Variants in LRRC4C observed in about 807,000 individuals in gnomAD.
The protein encoded by LRRC4C is leucine rich repeat containing 4C.
A neutral mutation model predicts 33.6 loss-of-function variants in LRRC4C; 5 were observed. That is an observed-to-expected ratio of 0.15 (90% CI 0.08 to 0.31). The LOEUF (loss-of-function observed/expected upper bound fraction) is 0.31, where lower values mean the gene tolerates loss of function less well. Among genes scored for constraint, LRRC4C ranks in the 10% least tolerant of loss-of-function variants. The probability of loss-of-function intolerance (pLI) is 1.00; values close to 1 mark genes in which losing one functional copy is unlikely to be tolerated. For synonymous variants in LRRC4C, 329 were observed against 302.0 expected (o/e 1.09, Z -0.93); for missense variants, 560 against 796.7 (o/e 0.70, Z 3.58).
intron 1 of LRRC4C, among the ~76,000 whole-genome samples, chr11:41,025,262 A>T (rs931508067): frequency 3.3e-5 from 5 of 151,814 alleles, no homozygotes; most frequent in African/African-American, 1.2e-4. Context: ...GAAAGCCAAG[A>T]TAGATATGTT....
chr11:40,388,269 C>G (rs1271839505), intron 3 of LRRC4C, among the ~76,000 whole-genome samples: 2 of 152,102 alleles, frequency 1.3e-5, no homozygotes, highest in African/African-American at 4.8e-5. Context: ...TTCCTTGAGA[C>G]CTGTCAAAAT....
intron 2 of LRRC4C, among the ~76,000 whole-genome samples, chr11:40,838,297 G>A (rs955096638): frequency 1.3e-5 from 2 of 152,142 alleles, no homozygotes; most frequent in Non-Finnish European, 2.9e-5. Flanking sequence ...AACAACTGTT[G>A]AAAATTTACT....
At chr11:41,369,480 A>G (rs1952664058) in intron 1 of LRRC4C, among the ~76,000 whole-genome samples, 1 of 152,014 alleles carries the variant, frequency 6.6e-6, no homozygotes. Context: ...CTGTACAACA[A>G]ACCCCTATAA....
At chr11:41,137,233 C>T (rs184717238) in intron 1 of LRRC4C, among the ~76,000 whole-genome samples, 24 of 151,826 alleles carry the variant, frequency 1.6e-4, no homozygotes, top group African/African-American at 5.8e-4. Context: ...CAGTGCAAGA[C>T]TCAGTCTCCA....
intron 2 of LRRC4C, among the ~76,000 whole-genome samples, chr11:40,828,792 T>A (rs1952279068): frequency 6.6e-6 from 1 of 151,898 alleles, no homozygotes; most frequent in Non-Finnish European, 1.5e-5. Context: ...AAACTCTGCA[T>A]CTGAAATGTT....
chr11:40,557,913 C>T lies in LRRC4C; in HGVS notation c.-270+90229G>A, dbSNP rs975758302. 3.9e-5 allele frequency among the ~76,000 whole-genome samples: 6 copies of T among 152,086 alleles called. No individual in the cohort carries two copies. The East Asian group carries it at 7.7e-4, about 20-fold the overall frequency. On this transcript the variant is annotated intron_variant, in intron 3 of 6. Transcript: ENST00000528697. ...GGCATTATTGAGGAGATTAATGAGCCGGGAGACCTGGTGAGTTAAATTAAT... is the reference window on the plus strand; with the variant it reads ...GGCATTATTGAGGAGATTAATGAGCTGGGAGACCTGGTGAGTTAAATTAAT...
intron 2 of LRRC4C, among the ~76,000 whole-genome samples, chr11:40,926,322 G>T (rs1012047178): frequency 1.3e-5 from 2 of 151,992 alleles, no homozygotes; most frequent in African/African-American, 2.4e-5. Flanking sequence ...ACATGATGCA[G>T]CTAAGGACAA....
intron 3 of LRRC4C, among the ~76,000 whole-genome samples, chr11:40,504,388 C>G (rs1954930240): frequency 6.6e-6 from 1 of 152,020 alleles, no homozygotes; most frequent in African/African-American, 2.4e-5. Flanking sequence ...TTCTGATGGA[C>G]AGACGGTCAT....
At position 40,941,950 on chromosome 11, in the gene LRRC4C, C is replaced by T. The variant is rs950104055; in HGVS notation, c.-495-8227G>A. Among the ~76,000 whole-genome samples the T allele has an allele frequency of 2.0e-5, 3 of 152,036 alleles. No homozygotes were observed. The East Asian group carries it at 5.8e-4, about 29-fold the overall frequency. On this transcript the variant is annotated intron_variant, in intron 1 of 6. Coordinates refer to ENST00000528697, the MANE Select transcript of LRRC4C (RefSeq NM_001258419.2). ...GTTCAAGTCCATCAAGAAGCAGGCA[C>T]TGAGACAGGGTTAGACACACAATAA...
At chr11:41,150,209 T>C (rs1327393512) in intron 1 of LRRC4C, among the ~76,000 whole-genome samples, 2 of 152,178 alleles carry the variant, frequency 1.3e-5, no homozygotes, top group Non-Finnish European at 2.9e-5. Context: ...TCTCTTCCAT[T>C]CTATTCCATT....
intron 1 of LRRC4C, among the ~76,000 whole-genome samples, chr11:41,106,669 G>A (rs1653128314): frequency 6.6e-6 from 1 of 152,016 alleles, no homozygotes; most frequent in South Asian, 2.1e-4. Flanking sequence ...TATTTCTGAA[G>A]TGTAAATATT....
chr11:40,248,900 A>T (rs978554271), intron 4 of LRRC4C, among the ~76,000 whole-genome samples: 1 of 152,202 alleles, frequency 6.6e-6, no homozygotes, highest in Non-Finnish European at 1.5e-5. Context: ...AGGAGTAGGT[A>T]AAACTGTCCC....
intron 2 of LRRC4C, among the ~76,000 whole-genome samples, chr11:40,704,814 A>G (rs1385834544): frequency 6.6e-6 from 1 of 152,142 alleles, no homozygotes; most frequent in Non-Finnish European, 1.5e-5. Flanking sequence ...AATATTTTGT[A>G]CACTTTCCTT....
chr11:41,428,165 A>T (rs184785336), intron 1 of LRRC4C, among the ~76,000 whole-genome samples: 2 of 152,226 alleles, frequency 1.3e-5, no homozygotes, highest in Admixed American at 1.3e-4. Flanking sequence ...CTGATTATAA[A>T]GTAATGTGAT....
intron 3 of LRRC4C, among the ~76,000 whole-genome samples, chr11:40,502,976 CAG>C (rs1954851668): frequency 6.6e-6 from 1 of 152,178 alleles, no homozygotes; most frequent in Non-Finnish European, 1.5e-5. Context: ...TTGACAACTT[CAG>C]ATAGGCTCAT....
intron 1 of LRRC4C, among the ~76,000 whole-genome samples, chr11:41,211,797 T>G (rs1946834802): frequency 1.3e-5 from 2 of 152,184 alleles, no homozygotes; most frequent in African/African-American, 4.8e-5. Context: ...ACATACGTGC[T>G]CATGTGTCTT....
At chr11:40,668,455 A>G (rs1235157045) in intron 2 of LRRC4C, among the ~76,000 whole-genome samples, 1 of 152,220 alleles carries the variant, frequency 6.6e-6, no homozygotes, top group Non-Finnish European at 1.5e-5. Context: ...TAAATGGTCT[A>G]CACACAAATA....
chr11:40,592,002 T>C (rs565999610), intron 3 of LRRC4C, among the ~76,000 whole-genome samples: 1 of 152,256 alleles, frequency 6.6e-6, no homozygotes, highest in South Asian at 2.1e-4. Flanking sequence ...CACTTCTGGT[T>C]TGGAGCTGCC....
intron 3 of LRRC4C, among the ~76,000 whole-genome samples, chr11:40,424,911 T>A (rs187154206): frequency 1.1e-4 from 17 of 152,312 alleles, no homozygotes; most frequent in African/African-American, 3.6e-4. Context: ...TTCTAATGAG[T>A]AAGCATTAAT....
Sources: allele counts gnomAD v4.1 joint callset (sites outside exome capture counted in the v4.1 genomes callset), GRCh38; gene constraint gnomAD v4.1.1; transcripts MANE v1.5; gene names NCBI Gene and HGNC (gene_info 2026-07-23, HGNC 2026-07-21).